ST8SIA6: variants seen among roughly 807,000 people sequenced by gnomAD.
ST8SIA6 encodes the protein alpha-2,8-sialyltransferase 8F.
A neutral mutation model predicts 33.6 loss-of-function variants in ST8SIA6; 39 were observed. That is an observed-to-expected ratio of 1.16 (90% CI 0.90 to 1.52). The LOEUF (loss-of-function observed/expected upper bound fraction) is 1.52. Ranked by LOEUF, ST8SIA6 falls within the 40% of genes most tolerant of loss-of-function variation. The probability of loss-of-function intolerance (pLI) is 0.00; values close to 1 mark genes in which losing one functional copy is unlikely to be tolerated. For synonymous variants in ST8SIA6, 172 were observed against 167.2 expected (o/e 1.03, Z -0.22); for missense variants, 441 against 443.8 (o/e 0.99, Z 0.06).
At chr10:17,340,499 G>A (rs1193151538) in intron 4 of ST8SIA6, among the ~76,000 whole-genome samples, 1 of 152,186 alleles carries the variant, frequency 6.6e-6, no homozygotes, top group African/African-American at 2.4e-5. Flanking sequence ...TCCAAACCCA[G>A]CCAATATGGG....
At chr10:17,366,450 T>G (rs1280583103) in intron 3 of ST8SIA6, among the ~76,000 whole-genome samples, 2 of 152,174 alleles carry the variant, frequency 1.3e-5, no homozygotes, top group Non-Finnish European at 2.9e-5. Context: ...TTTTCTTTTT[T>G]TTTTTCAAGG....
chr10:17,375,762 G>C (rs1421112880), intron 3 of ST8SIA6, among the ~76,000 whole-genome samples: 2 of 152,178 alleles, frequency 1.3e-5, no homozygotes, highest in Non-Finnish European at 1.5e-5. Flanking sequence ...TTACAGGGCA[G>C]TGGCTTACAT....
chr10:17,432,548 A>C (rs1391593276), intron 2 of ST8SIA6, among the ~76,000 whole-genome samples: 1 of 152,230 alleles, frequency 6.6e-6, no homozygotes, highest in East Asian at 1.9e-4. Flanking sequence ...AAATATAGCC[A>C]ACAAATGCAG....
chr10:17,350,797 G>A (rs1172799691), intron 4 of ST8SIA6, among the ~76,000 whole-genome samples: 1 of 152,144 alleles, frequency 6.6e-6, no homozygotes, highest in Non-Finnish European at 1.5e-5. Flanking sequence ...CACACTGACA[G>A]GTAAGATACG....
chr10:17,364,571 G>A (rs898739662), intron 3 of ST8SIA6, among the ~76,000 whole-genome samples: 2 of 152,116 alleles, frequency 1.3e-5, no homozygotes, highest in Admixed American at 6.6e-5. Flanking sequence ...GATATAAAAG[G>A]GAATTTTTTT....
chr10:17,419,215 T>C (rs1001531885), intron 2 of ST8SIA6, among the ~76,000 whole-genome samples: 5 of 151,896 alleles, frequency 3.3e-5, no homozygotes, highest in Non-Finnish European at 5.9e-5. Flanking sequence ...TTTTTCTCCA[T>C]GTGGAGAATG....
intron 4 of ST8SIA6, among the ~76,000 whole-genome samples, chr10:17,343,857 C>T (rs1412671228): frequency 6.6e-6 from 1 of 152,148 alleles, no homozygotes; most frequent in Non-Finnish European, 1.5e-5. Flanking sequence ...AAGCTCATGT[C>T]TATAGATGCA....
chr10:17,398,396 A>G (rs1041216), intron 2 of ST8SIA6, among the ~76,000 whole-genome samples: 4,949 of 152,230 alleles, frequency 0.033, 84 homozygotes, highest in South Asian at 0.056. Context: ...AAACTATTCA[A>G]TCCCTACAAA....
chr10:17,360,695 A>G (rs1286990639), intron 3 of ST8SIA6, among the ~76,000 whole-genome samples: 6 of 152,098 alleles, frequency 3.9e-5, no homozygotes, highest in Non-Finnish European at 7.4e-5. Context: ...AAAACCAAAC[A>G]AAATCATTAA....
Position 17,410,780 on chromosome 10 carries a change from C to T in ST8SIA6, c.201-20160G>A, listed in dbSNP as rs1269591765. ...CAAACCAAAAGATCCCCTGGTTAAC[C>T]TTCAGCTAATTATAAGATTTAATTA... On this transcript the variant is annotated intron_variant, in intron 2 of 7. Transcript: ENST00000377602. The T allele has an allele frequency of 2.6e-5, 4 of 152,246 alleles. No individual in the cohort carries two copies. In the South Asian group the frequency reaches 8.3e-4, roughly 32 times the overall value. 9.4% of individuals were successfully genotyped at this position (152,246 alleles called of 1,614,324 possible). A position where few individuals can be genotyped will look rare whatever the true frequency, so the allele number is the denominator to read the frequency against.
intron 2 of ST8SIA6, among the ~76,000 whole-genome samples, chr10:17,448,730 C>T (rs1260776474): frequency 6.6e-6 from 1 of 151,818 alleles, no homozygotes; most frequent in Non-Finnish European, 1.5e-5. Flanking sequence ...ATTCTCCCAC[C>T]TCAGCCTCCC....
chr10:17,369,826 G>T (rs1346836769), intron 3 of ST8SIA6, among the ~76,000 whole-genome samples: 1 of 151,956 alleles, frequency 6.6e-6, no homozygotes. Flanking sequence ...AGTCTATTCT[G>T]TCTGATATCA....
intron 2 of ST8SIA6, among the ~76,000 whole-genome samples, chr10:17,450,599 C>T (rs1852873039): frequency 6.6e-6 from 1 of 152,106 alleles, no homozygotes; most frequent in Non-Finnish European, 1.5e-5. Flanking sequence ...CACACTCACA[C>T]CCAGCTAATT....
At chr10:17,323,463 G>C (rs751083740) in intron 6 of ST8SIA6, among the ~76,000 whole-genome samples, 1 of 145,524 alleles carries the variant, frequency 6.9e-6, no homozygotes, top group African/African-American at 2.6e-5. Flanking sequence ...GTGGTGCTCT[G>C]GGCTCACTGC....
chr10:17,385,111 A>T (rs1423921486), intron 3 of ST8SIA6, among the ~76,000 whole-genome samples: 1 of 152,210 alleles, frequency 6.6e-6, no homozygotes, highest in Non-Finnish European at 1.5e-5. Flanking sequence ...CTCCAAAATC[A>T]CTAAGGGAAA....
Position 17,453,557 on chromosome 10 carries a change from A to G in ST8SIA6, c.200+2T>C, listed in dbSNP as rs981283460. On this transcript the variant is annotated splice_donor_variant, in intron 2 of 7. Coordinates refer to ENST00000377602, the MANE Select transcript of ST8SIA6 (RefSeq NM_001004470.3). LOFTEE classifies it high-confidence loss of function. ...GTCCGCCCGCGCTGGGCGCCGCTGT[A>G]CCTGTTAGTGGCGCGCGGTACCGCG... 3 of 1,322,630 alleles carry G rather than the reference A, an allele frequency of 2.3e-6. No homozygotes were observed. Among genetic ancestry groups the G allele is most frequent in the African/African-American group, 3.0e-5 (2 of 66,118 alleles). The allele number at this position is 1,322,630 out of a possible 1,614,324, so 81.9% of individuals were successfully genotyped here.
intron 4 of ST8SIA6, among the ~76,000 whole-genome samples, chr10:17,345,684 AC>A (rs1253604920): frequency 6.6e-5 from 10 of 152,322 alleles, no homozygotes; most frequent in Admixed American, 5.9e-4. Flanking sequence ...TACAGGCATC[AC>A]AAAATCAACA....
rs570234184 is a variant in ST8SIA6 at position 17,352,023 on chromosome 10, G to A, written c.377+7491C>T. ...ATTGCAGATTTCAAAACTGCTAAAA[G>A]AGCAGATTTTAAATGTTCTCACTAA... is the stretch of plus-strand genomic sequence containing the variant. On this transcript the variant is annotated intron_variant, in intron 4 of 7. Transcript: ENST00000377602. Among the ~76,000 whole-genome samples the A allele has an allele frequency of 4.6e-5, 7 of 151,026 alleles. No homozygotes were observed. The South Asian group carries it at 1.5e-3, about 32-fold the overall frequency.
chr10:17,379,897 T>C (rs1850069623), intron 3 of ST8SIA6, among the ~76,000 whole-genome samples: 2 of 152,184 alleles, frequency 1.3e-5, no homozygotes, highest in Non-Finnish European at 2.9e-5. Context: ...TTGGTAACCA[T>C]GAAGGGATTC....
Sources: gnomAD v4.1 joint callset for allele counts (sites outside exome capture counted in the v4.1 genomes callset) on GRCh38, gnomAD v4.1.1 for gene constraint, MANE v1.5 for transcripts, NCBI Gene and HGNC (gene_info 2026-07-23, HGNC 2026-07-21) for gene names.